KANSL1: variants seen among roughly 807,000 people sequenced by gnomAD.
KANSL1 encodes MLL1/MLL complex subunit KANSL1.
A neutral mutation model predicts 103.6 loss-of-function variants in KANSL1; 22 were observed. The observed-to-expected ratio is 0.21, with a 90% CI of 0.15 to 0.30. The LOEUF is 0.30. Ranked by LOEUF, KANSL1 falls within the 10% of genes least tolerant of loss-of-function variation. The pLI, the probability that KANSL1 is intolerant of heterozygous loss-of-function variation, is 1.00. For synonymous variants in KANSL1, 600 were observed against 527.6 expected (o/e 1.14, Z -1.88); for missense variants, 1,337 against 1,399.8 (o/e 0.96, Z 0.72).
At chr17:46,174,218 C>T (rs2046415398) in intron 1 of KANSL1, among the ~76,000 whole-genome samples, 1 of 152,164 alleles carries the variant, frequency 6.6e-6, no homozygotes, top group Non-Finnish European at 1.5e-5. Context: ...CAGAGTCTTG[C>T]TCTGTCGCCA....
chr17:46,153,621 G>T (rs1013118240), intron 2 of KANSL1, among the ~76,000 whole-genome samples: 17 of 152,230 alleles, frequency 1.1e-4, no homozygotes, highest in African/African-American at 4.1e-4. Flanking sequence ...TGGCTACTTG[G>T]AGGTGACGGA....
At chr17:46,127,422 G>C in intron 2 of KANSL1, among the ~76,000 whole-genome samples, 1 of 152,162 alleles carries the variant, frequency 6.6e-6, no homozygotes, top group South Asian at 2.1e-4. Flanking sequence ...TTAGAATCTG[G>C]CAGGTTTTCT....
intron 1 of KANSL1, among the ~76,000 whole-genome samples, chr17:46,220,772 C>T (rs1380415044): frequency 6.6e-6 from 1 of 152,160 alleles, no homozygotes; most frequent in African/African-American, 2.4e-5. Context: ...CTGCAAGCTC[C>T]GTCTCCCGGG....
Position 46,039,047 on chromosome 17 carries a change from T to C in KANSL1, c.2372A>G (p.His791Arg), listed in dbSNP as rs917268971. The C allele has an allele frequency of 5.0e-6, 8 of 1,611,220 alleles. No homozygotes were observed. The East Asian group carries it at 1.3e-4, about 27-fold the overall frequency. ...CCTACCTTCACTTCTCTCAGATGAA[T>C]GGTCTCGCAATCTCATTTTGCTGTG... is the stretch of plus-strand genomic sequence containing the variant. Reference protein sequence around the residue: ...PNHSKMRLRDHSSERSEVLKH... With the variant: ...PNHSKMRLRDRSSERSEVLKH... Residue 791 changes from histidine to arginine, a missense_variant, in exon 9 of 15, where the codon CAT becomes CGT. Around this residue, in one of 2 missense-constraint regions of KANSL1, gnomAD observed 780 missense variants for 923.4 expected, o/e 0.84. Transcript: ENST00000432791.
At chr17:46,206,752 ATCT>A (rs1398752110) in intron 1 of KANSL1, among the ~76,000 whole-genome samples, 1 of 152,270 alleles carries the variant, frequency 6.6e-6, no homozygotes, top group Non-Finnish European at 1.5e-5. Context: ...AACAAAGCTA[ATCT>A]TCATTTCATT....
chr17:46,086,059 A>T (rs765601288), intron 3 of KANSL1, among the ~76,000 whole-genome samples: 1 of 152,234 alleles, frequency 6.6e-6, no homozygotes, highest in African/African-American at 2.4e-5. Context: ...GAGTTGTATA[A>T]TTTTTTTCCT....
intron 2 of KANSL1, among the ~76,000 whole-genome samples, chr17:46,138,701 G>A (rs924874427): frequency 2.0e-5 from 3 of 152,216 alleles, no homozygotes; most frequent in African/African-American, 7.2e-5. Flanking sequence ...GAATACATAC[G>A]TGGCTAAGGT....
At chr17:46,182,278 C>T (rs533859439) in intron 1 of KANSL1, among the ~76,000 whole-genome samples, 2 of 152,272 alleles carry the variant, frequency 1.3e-5, no homozygotes, top group Non-Finnish European at 1.5e-5. Context: ...ATGGGAAAGA[C>T]GTGGGGCATG....
At chr17:46,103,100 AATTC>A (rs2042390526) in intron 2 of KANSL1, among the ~76,000 whole-genome samples, 1 of 152,262 alleles carries the variant, frequency 6.6e-6, no homozygotes, top group Non-Finnish European at 1.5e-5. Flanking sequence ...CAACGAAAAG[AATTC>A]ATTCAACTTG....
At chr17:46,105,712 A>C (rs566749035) in intron 2 of KANSL1, among the ~76,000 whole-genome samples, 1 of 152,146 alleles carries the variant, frequency 6.6e-6, no homozygotes, top group Non-Finnish European at 1.5e-5. Context: ...TCTACAAAAA[A>C]ATACAAAAAT....
chr17:46,055,796 A>C (rs62060761), intron 6 of KANSL1, among the ~76,000 whole-genome samples: 21,757 of 152,194 alleles, frequency 0.14, 2,116 homozygotes, highest in Non-Finnish European at 0.22. Context: ...CAGAAAATTT[A>C]AATAAAAACA....
intron 2 of KANSL1, among the ~76,000 whole-genome samples, chr17:46,109,839 T>A (rs2042728115): frequency 6.6e-6 from 1 of 152,204 alleles, no homozygotes; most frequent in Non-Finnish European, 1.5e-5. Flanking sequence ...TAATGACAAA[T>A]ATTTGTTTTG....
intron 7 of KANSL1, chr17:46,041,410 C>T (rs1327268508): frequency 6.6e-6 from 1 of 152,182 alleles, no homozygotes; most frequent in African/African-American, 2.4e-5. Context: ...TGTTTTCAAG[C>T]TTCTGCAAAG....
chr17:46,075,420 T>A (rs963357696), intron 4 of KANSL1, among the ~76,000 whole-genome samples: 1 of 133,448 alleles, frequency 7.5e-6, no homozygotes, highest in Non-Finnish European at 1.8e-5. Flanking sequence ...CATTGCAACC[T>A]CTGCCTCCTG....
chr17:46,127,221 T>C (rs2043613056), intron 2 of KANSL1, among the ~76,000 whole-genome samples: 2 of 152,276 alleles, frequency 1.3e-5, no homozygotes, highest in Non-Finnish European at 2.9e-5. Context: ...AGCAAAATTT[T>C]CTGAAAAGGA....
chr17:46,050,821 T>A (rs983655395), intron 6 of KANSL1, 117 bp from the exon 7 acceptor site: 1 of 776,442 alleles, frequency 1.3e-6, no homozygotes. Context: ...TGCGAAGACC[T>A]TTCTAGATAC....
At chr17:46,064,756 G>T (rs569446826) in intron 6 of KANSL1, among the ~76,000 whole-genome samples, 1 of 152,192 alleles carries the variant, frequency 6.6e-6, no homozygotes, top group East Asian at 1.9e-4. Flanking sequence ...GAATGAGGAG[G>T]AATACCTAAG....
At chr17:46,084,102 G>A (rs776633443) in intron 3 of KANSL1, among the ~76,000 whole-genome samples, 8 of 144,792 alleles carry the variant, frequency 5.5e-5, no homozygotes, top group African/African-American at 1.2e-4. Flanking sequence ...GGAGGGTCCC[G>A]GAATGGCGGC....
intron 1 of KANSL1, among the ~76,000 whole-genome samples, chr17:46,211,325 C>T (rs1329243340): frequency 2.0e-5 from 3 of 151,376 alleles, no homozygotes; most frequent in Admixed American, 1.3e-4. Flanking sequence ...CCCTGAGCCA[C>T]ACTGGAAGAA....
Sources: gnomAD v4.1 joint callset for allele counts (sites outside exome capture counted in the v4.1 genomes callset) on GRCh38, gnomAD v4.1.1 for gene constraint, gnomAD v4.1.1 regional missense constraint, MANE v1.5 for transcripts, NCBI Gene and HGNC (gene_info 2026-07-23, HGNC 2026-07-21) for gene names.